The following SLIT2 variants were observed in gnomAD, a reference collection of about 807,000 sequenced individuals.
SLIT2 encodes slit homolog 2 protein.
A neutral mutation model predicts 185.7 loss-of-function variants in SLIT2; 41 were observed. The observed-to-expected ratio is 0.22, with a 90% CI of 0.17 to 0.29. SLIT2 has a LOEUF of 0.29. SLIT2 is among the 10% of genes least tolerant of loss of function. The probability of loss-of-function intolerance (pLI) is 1.00; values close to 1 mark genes in which losing one functional copy is unlikely to be tolerated. For missense variants in SLIT2, 1,571 were observed against 1,909.0 expected, an observed-to-expected ratio of 0.82 and a Z score of 3.30; for synonymous variants, 693 against 680.2, an observed-to-expected ratio of 1.02 and a Z score of -0.29.
At chr4:20,514,332 G>A (rs947047744) in intron 11 of SLIT2, among the ~76,000 whole-genome samples, 1 of 152,048 alleles carries the variant, frequency 6.6e-6, no homozygotes, top group African/African-American at 2.4e-5. Context: ...CACCTCTACT[G>A]CATTCTACTT....
At chr4:20,315,856 A>G (rs1718529613) in intron 4 of SLIT2, among the ~76,000 whole-genome samples, 1 of 152,074 alleles carries the variant, frequency 6.6e-6, no homozygotes. Context: ...CACATAATCT[A>G]TGATACATTT....
chr4:20,588,628 T>C (rs565246930), intron 29 of SLIT2, among the ~76,000 whole-genome samples: 1 of 152,328 alleles, frequency 6.6e-6, no homozygotes, highest in Admixed American at 6.5e-5. Context: ...ATATATATTA[T>C]GTATATGAAT....
At chr4:20,465,296 A>C (rs957268746) in intron 4 of SLIT2, among the ~76,000 whole-genome samples, 1 of 152,216 alleles carries the variant, frequency 6.6e-6, no homozygotes, top group Admixed American at 6.5e-5. Flanking sequence ...CCTTTCCTTT[A>C]AAACCAAGAA....
At chr4:20,362,369 G>A (rs549468594) in intron 4 of SLIT2, among the ~76,000 whole-genome samples, 18 of 152,212 alleles carry the variant, frequency 1.2e-4, no homozygotes, top group African/African-American at 4.1e-4. Flanking sequence ...AGGATACCTC[G>A]GAAGAGGCAG....
chr4:20,473,284 A>G (rs1156779415), intron 5 of SLIT2, among the ~76,000 whole-genome samples: 1 of 152,000 alleles, frequency 6.6e-6, no homozygotes, highest in Non-Finnish European at 1.5e-5. Flanking sequence ...TTCCAGGAAC[A>G]AAATGCTTCT....
rs1334621021 is a variant in SLIT2 at position 20,488,822 on chromosome 4, A to C, written c.615A>C (p.Arg205=). The C allele has an allele frequency of 1.3e-6, 2 of 1,577,510 alleles. No individual in the cohort carries two copies. The highest frequency in any genetic ancestry group is 1.4e-5 in the African/African-American group (1 of 73,574). ...FNHMPKLRTF[R]LHSNNLYCDC... ...CACTTCTTTTTTTCTCATTTAGTCG[A>C]CTGCATTCAAACAACCTGTATTGTG... is the stretch of plus-strand genomic sequence containing the variant. Residue 205 remains arginine, a synonymous_variant, in exon 8 of 37, where the codon CGA becomes CGC. Coordinates refer to ENST00000504154, the MANE Select transcript of SLIT2 (RefSeq NM_004787.4).
rs538198988 is a variant in SLIT2, at chr4:20,404,429, C to A, written c.396-63323C>A. Among the ~76,000 whole-genome samples the A allele has an allele frequency of 5.6e-4, 85 of 152,094 alleles. 1 individual carries two copies. In the South Asian group the frequency reaches 0.017, roughly 30 times the overall value. On this transcript the variant is annotated intron_variant, in intron 4 of 36. Transcript: ENST00000504154. ...TCTATCCCTCACTTGCTTTGTGACC[C>A]TGGACAAGCAGCTTAATTCTCCGAG...
chr4:20,569,126 A>C (rs1325001892), intron 29 of SLIT2, 122 bp downstream of exon 29: 1 of 810,716 alleles, frequency 1.2e-6, no homozygotes, highest in East Asian at 2.7e-5. Context: ...TGTCTTGAAA[A>C]TCAGATGTAA....
rs1490403371 is a variant in SLIT2, at chr4:20,528,920, A to G, written c.1463-29A>G. On this transcript the variant is annotated intron_variant, in intron 15 of 36. Coordinates refer to ENST00000504154, the MANE Select transcript of SLIT2 (RefSeq NM_004787.4). This position sits in a 1 kb window ranked among gnomAD's most constrained non-coding sequence, Gnocchi z 4.2. ...AAATTTTCTAACCTTTAGACTCAGT[A>G]TCTTTTTTTTGGTTTGAATTCTCAA... 3.2e-6 allele frequency: 5 copies of G among 1,578,684 alleles called. No homozygotes were observed. The highest frequency in any genetic ancestry group is 2.2e-5 in the East Asian group (1 of 44,596).
intron 4 of SLIT2, among the ~76,000 whole-genome samples, chr4:20,445,984 C>G (rs1046804145): frequency 1.4e-4 from 21 of 152,146 alleles, no homozygotes; most frequent in African/African-American, 4.8e-4. Context: ...TCATTCCTAC[C>G]AAAGCACTGT....
Position 20,598,339 on chromosome 4 carries a change from G to A in SLIT2, c.3636G>A (p.Arg1212=), listed in dbSNP as rs752229920. ...ACCATATCGCGGTAGAACTCTATCG[G>A]GGGCGTGTTCGTGCCAGCTATGACA... ...DKDHIAVELY[R]GRVRASYDTG... The change falls in exon 33 of 37, where the codon CGG becomes CGA. Residue 1212 remains arginine, a synonymous_variant. Coordinates refer to ENST00000504154, the MANE Select transcript of SLIT2 (RefSeq NM_004787.4). The A allele has an allele frequency of 6.2e-7, 1 of 1,614,016 alleles. No individual in the cohort carries two copies. The highest frequency in any genetic ancestry group is 1.7e-5 in the Admixed American group (1 of 60,002).
chr4:20,366,268 A>G (rs1273790501), intron 4 of SLIT2, among the ~76,000 whole-genome samples: 1 of 152,066 alleles, frequency 6.6e-6, no homozygotes, highest in South Asian at 2.1e-4. Context: ...GGTTCTCAAC[A>G]CTTCGTACAA....
intron 29 of SLIT2, among the ~76,000 whole-genome samples, chr4:20,580,004 C>G (rs1193564765): frequency 8.4e-5 from 12 of 142,750 alleles, no homozygotes; most frequent in Non-Finnish European, 1.8e-4. Flanking sequence ...TGTAATATAT[C>G]ATATATAATA....
intron 4 of SLIT2, among the ~76,000 whole-genome samples, chr4:20,311,349 T>C (rs1398985812): frequency 2.0e-5 from 3 of 152,250 alleles, no homozygotes; most frequent in East Asian, 3.8e-4. Context: ...CAGGTAAATA[T>C]TTTAGCAATA....
At chr4:20,273,249 G>A (rs56967065) in intron 4 of SLIT2, among the ~76,000 whole-genome samples, 5,642 of 150,752 alleles carry the variant, frequency 0.037, 265 homozygotes, top group East Asian at 0.1. Context: ...AAAGATCTAG[G>A]AAATTCAGAA....
intron 4 of SLIT2, among the ~76,000 whole-genome samples, chr4:20,322,406 G>A (rs912324411): frequency 2.6e-5 from 4 of 152,070 alleles, no homozygotes; most frequent in South Asian, 2.1e-4. Flanking sequence ...AAGTGGGGAG[G>A]GGTCATCAAG....
intron 9 of SLIT2, among the ~76,000 whole-genome samples, chr4:20,492,553 A>T (rs935801309): frequency 2.0e-5 from 3 of 152,228 alleles, no homozygotes. Flanking sequence ...AAGGTCACAT[A>T]AGATGTAAAA....
chr4:20,322,826 C>T (rs1487571590), intron 4 of SLIT2, among the ~76,000 whole-genome samples: 2 of 152,130 alleles, frequency 1.3e-5, no homozygotes, highest in Non-Finnish European at 2.9e-5. Context: ...ACTACAGAGA[C>T]TAATGGTATT....
intron 4 of SLIT2, among the ~76,000 whole-genome samples, chr4:20,381,908 T>C (rs1015400715): frequency 7.7e-6 from 1 of 129,950 alleles, no homozygotes; most frequent in African/African-American, 2.5e-5. Flanking sequence ...ATAATACATA[T>C]GTATTTGTAT....
Sources: allele counts gnomAD v4.1 joint callset (sites outside exome capture counted in the v4.1 genomes callset), GRCh38; gene constraint gnomAD v4.1.1; non-coding constraint Gnocchi (gnomAD v3.1); transcripts MANE v1.5; gene names NCBI Gene and HGNC (gene_info 2026-07-23, HGNC 2026-07-21).